The following KLHL32 variants were observed in gnomAD, a reference collection of about 807,000 sequenced individuals.
The protein encoded by KLHL32 is kelch like family member 32, also known as kelch-like protein 32.
Under a neutral mutation model 64.8 loss-of-function variants are expected in KLHL32, and 35 were observed. The ratio of observed to expected loss-of-function variants is 0.54; its 90% confidence interval spans 0.41 to 0.72. The LOEUF (loss-of-function observed/expected upper bound fraction) is 0.72. Ranked by LOEUF, KLHL32 falls within the 30% of genes least tolerant of loss-of-function variation. The pLI is 0.00. For synonymous variants in KLHL32, 259 were observed against 281.0 expected (o/e 0.92, Z 0.78); for missense variants, 589 against 768.5 (o/e 0.77, Z 2.76).
chr6:97,134,750 TACGTA>T (rs1799805107), intron 10 of KLHL32, among the ~76,000 whole-genome samples: 1 of 152,200 alleles, frequency 6.6e-6, no homozygotes, highest in African/African-American at 2.4e-5. Context: ...GAAAATGCTG[TACGTA>T]TCAAGTTTAG....
chr6:97,045,010 T>C (rs1766507), intron 4 of KLHL32, among the ~76,000 whole-genome samples: 38,576 of 151,978 alleles, frequency 0.25, 6,275 homozygotes, highest in African/African-American at 0.45. Flanking sequence ...TTTCACTAAG[T>C]TTTCTTTAGA....
rs779401407 is a variant in KLHL32 at position 97,132,637 on chromosome 6, A to G, written c.1607-16A>G. ...AATGGATTTTTTTTCTTTTTATTCA[A>G]TTCTCTTTACTTTAGGCCAAAATGA... is the stretch of plus-strand genomic sequence containing the variant. On this transcript the variant is annotated splice_polypyrimidine_tract_variant and intron_variant, in intron 9 of 10. Transcript: ENST00000369261. The G allele has an allele frequency of 3.8e-6, 6 of 1,561,626 alleles. No homozygotes were observed. The highest frequency in any genetic ancestry group is 2.2e-5 in the East Asian group (1 of 44,560).
At chr6:96,902,998 A>ACT in the KLHL32 span, among the ~76,000 whole-genome samples, 70 of 152,264 alleles carry the variant, frequency 4.6e-4, no homozygotes, top group East Asian at 0.012. Flanking sequence ...GTAGCCCTGT[A>ACT]GAATAGTTTG....
intron 5 of KLHL32, among the ~76,000 whole-genome samples, chr6:97,076,099 A>T (rs189824744): frequency 6.6e-6 from 1 of 152,238 alleles, no homozygotes; most frequent in East Asian, 1.9e-4. Flanking sequence ...GAGCTTGAGA[A>T]CCAGAGTATA....
intron 3 of KLHL32, among the ~76,000 whole-genome samples, chr6:97,010,460 T>A (rs1027611550): frequency 3.9e-5 from 6 of 152,230 alleles, no homozygotes; most frequent in Non-Finnish European, 8.8e-5. Context: ...ATCAGCATCA[T>A]TTAAATTATT....
At chr6:96,990,106 C>G (rs928006453) in intron 3 of KLHL32, among the ~76,000 whole-genome samples, 1 of 152,160 alleles carries the variant, frequency 6.6e-6, no homozygotes, top group Non-Finnish European at 1.5e-5. Context: ...GCCATTTCAG[C>G]CTGGTTAAGA....
At chr6:97,131,543 C>T (rs139798222) in intron 9 of KLHL32, among the ~76,000 whole-genome samples, 2 of 152,260 alleles carry the variant, frequency 1.3e-5, no homozygotes, top group East Asian at 3.9e-4. Context: ...GAAAGTAACA[C>T]GGTGAACAAC....
chr6:97,096,255 G>A (rs1167149760), intron 6 of KLHL32, among the ~76,000 whole-genome samples: 1 of 152,114 alleles, frequency 6.6e-6, no homozygotes, highest in African/African-American at 2.4e-5. Context: ...ATATGCAGGT[G>A]GGATTCACAC....
chr6:97,029,477 A>G (rs56242595), intron 3 of KLHL32, among the ~76,000 whole-genome samples: 2,783 of 150,494 alleles, frequency 0.018, 94 homozygotes, highest in African/African-American at 0.066. Flanking sequence ...ATTTACAGTA[A>G]TATAATTTTA....
intron 2 of KLHL32, 53 bp downstream of exon 2, chr6:96,967,136 GCAT>G: frequency 6.6e-7 from 1 of 1,525,868 alleles, no homozygotes; most frequent in African/African-American, 1.4e-5. Flanking sequence ...TGAAATAAGT[GCAT>G]TGCACGTTCT....
chr6:96,947,916 TAC>T (rs1772115595), intron 1 of KLHL32, among the ~76,000 whole-genome samples: 1 of 152,146 alleles, frequency 6.6e-6, no homozygotes, highest in Non-Finnish European at 1.5e-5. Context: ...AAAAGGATAC[TAC>T]ACAGTGTCCT....
In KLHL32 at chr6:97,114,302, C is replaced by T. The variant is rs1004795770; in HGVS notation, c.1147C>T (p.Pro383Ser). ...CAGTAATTCCTGGGCAGAGATAGCA[C>T]CCATGAAAAACTGCCGGGAGCATTT... The part of the protein sequence containing the change: ...PRSNSWAEIA[P>S]MKNCREHFVL... The change falls in exon 7 of 11, where the codon CCC becomes TCC. Residue 383 changes from proline to serine, a missense_variant. Physicochemically the swap from Pro to Ser is moderately conservative, Grantham distance 74. Transcript: ENST00000369261. The T allele has an allele frequency of 3.7e-6, 6 of 1,614,006 alleles. No homozygotes were observed. Among genetic ancestry groups the T allele is most frequent in the Non-Finnish European group, 4.2e-6 (5 of 1,180,030 alleles).
At chr6:96,962,464 G>T (rs1562195417) in intron 1 of KLHL32, among the ~76,000 whole-genome samples, 3 of 152,178 alleles carry the variant, frequency 2.0e-5, no homozygotes, top group Admixed American at 6.5e-5. Flanking sequence ...GGAGACGGGG[G>T]TCTGAGTCTT....
At chr6:96,959,876 T>C (rs1050194176) in intron 1 of KLHL32, among the ~76,000 whole-genome samples, 1 of 152,218 alleles carries the variant, frequency 6.6e-6, no homozygotes, top group Non-Finnish European at 1.5e-5. Flanking sequence ...TGTGTGCATC[T>C]TAGATTATTG....
At chr6:97,094,812 A>G (rs1017511772) in intron 6 of KLHL32, among the ~76,000 whole-genome samples, 1 of 152,198 alleles carries the variant, frequency 6.6e-6, no homozygotes, top group Non-Finnish European at 1.5e-5. Flanking sequence ...GGAGCTAAAA[A>G]GACCCCCACA....
intron 1 of KLHL32, among the ~76,000 whole-genome samples, chr6:96,941,335 G>C (rs886089223): frequency 6.6e-6 from 1 of 152,152 alleles, no homozygotes; most frequent in East Asian, 1.9e-4. Flanking sequence ...AAATACTAAG[G>C]CTTCTCTCTA....
At chr6:96,913,375 T>C in the KLHL32 span, among the ~76,000 whole-genome samples, 1 of 152,188 alleles carries the variant, frequency 6.6e-6, no homozygotes, top group Admixed American at 6.5e-5. Context: ...AGGTCCCAGC[T>C]TGACTATTAG....
the KLHL32 span, among the ~76,000 whole-genome samples, chr6:96,906,081 C>T: frequency 6.6e-6 from 1 of 152,188 alleles, no homozygotes; most frequent in South Asian, 2.1e-4. Flanking sequence ...CCCTAAGCAT[C>T]AGTGCACACA....
At chr6:97,039,089 CAAAA>C (rs535614966) in intron 3 of KLHL32, among the ~76,000 whole-genome samples, 2 of 75,076 alleles carry the variant, frequency 2.7e-5, no homozygotes. Flanking sequence ...GACTCTGTCT[CAAAA>C]AAAAAAAAAA....
Sources: allele counts gnomAD v4.1 joint callset (sites outside exome capture counted in the v4.1 genomes callset), GRCh38; gene constraint gnomAD v4.1.1; transcripts MANE v1.5; gene names NCBI Gene and HGNC (gene_info 2026-07-23, HGNC 2026-07-21).